Variants in METTL5 observed in about 807,000 individuals in gnomAD.
METTL5 encodes the protein methyltransferase 5, N6-adenosine.
A neutral mutation model predicts 26.5 loss-of-function variants in METTL5; 28 were observed. The observed-to-expected ratio is 1.06, with a 90% CI of 0.78 to 1.45. The LOEUF (loss-of-function observed/expected upper bound fraction) is 1.45, where lower values mean the gene tolerates loss of function less well. METTL5 is among the 40% of genes most tolerant of loss of function. The pLI is 0.00. For synonymous variants in METTL5, 86 were observed against 82.6 expected (o/e 1.04, Z -0.22); for missense variants, 231 against 249.9 (o/e 0.92, Z 0.51).
chr2:169,822,553 C>CAGTG (rs1419416173), intron 1 of METTL5, among the ~76,000 whole-genome samples: 1 of 152,036 alleles, frequency 6.6e-6, no homozygotes, highest in African/African-American at 2.4e-5. Flanking sequence ...AGACTAGGAA[C>CAGTG]CACTATCAAA....
At chr2:169,817,912 A>T (rs77950863) in intron 4 of METTL5, among the ~76,000 whole-genome samples, 10 of 151,056 alleles carry the variant, frequency 6.6e-5, no homozygotes, top group African/African-American at 1.9e-4. Flanking sequence ...AAGTATAATT[A>T]AAAAAAAAAT....
In METTL5 at chr2:169,819,624, T is replaced by C; in HGVS notation, c.426A>G (p.Leu142=). The change falls in exon 4 of 7, where the codon CTA becomes CTG. Residue 142 remains leucine (L), a synonymous_variant. Coordinates refer to ENST00000260953, the MANE Select transcript of METTL5 (RefSeq NM_014168.4). ...KNNKGTDMAF[L]KTALEMARTA... ...TTCTTGCCATTTCCAAAGCAGTCTT[T>C]AGAAAAGCCATATCTGTCCCTGTGA... The C allele has an allele frequency of 6.2e-7, 1 of 1,613,088 alleles. No homozygotes were observed. The highest frequency in any genetic ancestry group is 2.2e-5 in the East Asian group (1 of 44,766).
Position 169,822,023 on chromosome 2 carries a change from A to G in METTL5, c.144T>C (p.Asp48=). ...CTGCAACGACTTTATTTTCAATGTC[A>G]TCATAAGTGTTATGGATTGTATAGA... ...CMLYTIHNTY[D]DIENKVVADL... Residue 48 remains aspartate, a synonymous_variant, in exon 2 of 7, where the codon GAT becomes GAC. Coordinates refer to ENST00000260953, the MANE Select transcript of METTL5 (RefSeq NM_014168.4). 1 of 1,612,958 alleles carries G rather than the reference A, an allele frequency of 6.2e-7. No individual in the cohort carries two copies. Among genetic ancestry groups the G allele is most frequent in the Non-Finnish European group, 8.5e-7 (1 of 1,179,998 alleles).
chr2:169,820,890 T>TGTGC (rs2081574407), intron 3 of METTL5, among the ~76,000 whole-genome samples: 1 of 151,266 alleles, frequency 6.6e-6, no homozygotes, highest in Non-Finnish European at 1.5e-5. Context: ...AAAATTTGTG[T>TGTGC]GTGTGTGTGT....
chr2:169,824,503 C>G lies in METTL5; in HGVS notation c.95G>C (p.Arg32Thr), dbSNP rs1392702272. The change falls in exon 1 of 7, where the codon AGG becomes ACG. Residue 32 changes from arginine to threonine, a missense_variant. Physicochemically the swap from Arg to Thr is moderately conservative, Grantham distance 71 (BLOSUM62 -1). Transcript: ENST00000260953. ...PKLLLEQYPTRPHIAACMLYT... is the reference protein window; with the variant it reads ...PKLLLEQYPTTPHIAACMLYT... ...AGCCGCCCTACCTGCAATGTGCGGC[C>G]TGGTAGGATACTGTTCCAGAAGTAG... 1.2e-6 allele frequency: 2 copies of G among 1,613,998 alleles called. No individual in the cohort carries two copies. The highest frequency in any genetic ancestry group is 2.7e-5 in the African/African-American group (2 of 74,928).
intron 5 of METTL5, among the ~76,000 whole-genome samples, chr2:169,814,621 C>A (rs1302402921): frequency 2.1e-5 from 3 of 143,422 alleles, no homozygotes; most frequent in Admixed American, 1.4e-4. Context: ...GTTGCTTAGG[C>A]TAGAGAGCAG....
intron 6 of METTL5, 195 bp downstream of exon 6, chr2:169,812,256 TCGAGAC>T: frequency 1.3e-6 from 1 of 772,194 alleles, no homozygotes; most frequent in Non-Finnish European, 2.0e-6. Flanking sequence ...TTTTTCTTTT[TCGAGAC>T]TGAGTCTCAC....
Position 169,824,583 on chromosome 2 carries a change from C to A in METTL5, c.15G>T (p.Arg5Ser), listed in dbSNP as rs781601224. 1 of 1,613,730 alleles carries A rather than the reference C, an allele frequency of 6.2e-7. No homozygotes were observed. The highest frequency in any genetic ancestry group is 1.3e-5 in the African/African-American group (1 of 74,924). ...GCAGGCGACTCTCTAGTTCCTTAAG[C>A]CTTACTTTCTTCATTTTGTTTTAAA... MKKV[R>S]LKELESRLQQ... is the part of the protein sequence containing the mutation. Residue 5 changes from arginine (R) to serine (S), a missense_variant, in exon 1 of 7, where the codon AGG (arginine) becomes AGT (serine). By Grantham distance (110) the Arg-to-Ser change is moderately radical. Coordinates refer to ENST00000260953, the MANE Select transcript of METTL5 (RefSeq NM_014168.4).
chr2:169,819,676 C>G (rs1399519130), intron 3 of METTL5, 33 bp from the exon 4 acceptor site: 4 of 1,446,050 alleles, frequency 2.8e-6, no homozygotes, highest in Non-Finnish European at 3.8e-6. Flanking sequence ...TCCTATTTAC[C>G]TCTTCTCAAA....
Position 169,817,204 on chromosome 2 carries a change from C to T in METTL5, c.490-1676G>A, listed in dbSNP as rs571450162. Among the ~76,000 whole-genome samples the T allele has an allele frequency of 3.9e-3, 599 of 152,266 alleles. 5 individuals are homozygous for T. Among genetic ancestry groups the T allele is most frequent in the African/African-American group, 0.013 (560 of 41,544 alleles). The stretch of plus-strand genomic sequence containing the variant: ...AAAAATGCTCATCATCAGTGGTCAT[C>T]AGAGAAATGCAAATCAAAACCACAA... On this transcript the variant is annotated intron_variant, in intron 4 of 6. Transcript: ENST00000260953.
Position 169,819,541 on chromosome 2 carries a change from A to G in METTL5, c.489+20T>C. On this transcript the variant is annotated intron_variant, in intron 4 of 6. Transcript: ENST00000260953. The stretch of plus-strand genomic sequence containing the variant: ...AATTTAAAAATCAATGCCACAGAAT[A>G]TCAGATGATTTGAACTTACTTCTCT... The G allele has an allele frequency of 6.4e-7, 1 of 1,558,372 alleles. No individual in the cohort carries two copies. The highest frequency in any genetic ancestry group is 8.8e-7 in the Non-Finnish European group (1 of 1,131,754).
intron 6 of METTL5, 154 bp from the exon 7 acceptor site, chr2:169,812,012 T>C (rs1689979019): frequency 2.4e-6 from 2 of 822,656 alleles, no homozygotes; most frequent in African/African-American, 3.5e-5. Flanking sequence ...AATATGAGAA[T>C]GTATTAGTAC....
At chr2:169,815,648 T>C in intron 4 of METTL5, 120 bp from the exon 5 acceptor site, 1 of 639,404 alleles carries the variant, frequency 1.6e-6, no homozygotes. Flanking sequence ...ATCTAGACCC[T>C]TATAAAAATT....
chr2:169,821,619 C>A (rs770305228), intron 2 of METTL5, among the ~76,000 whole-genome samples: 1 of 152,040 alleles, frequency 6.6e-6, no homozygotes, highest in Non-Finnish European at 1.5e-5. Flanking sequence ...CTCCTGGGCT[C>A]AAGTAATCTG....
rs372716869 is a variant in METTL5 at position 169,818,695 on chromosome 2, T to C, written c.489+866A>G. ...TGGGTTCTTACGTACTGTATTTACATGAATTAAGTATTTTTCCTACAAAAG... is the reference window on the plus strand; with the variant it reads ...TGGGTTCTTACGTACTGTATTTACACGAATTAAGTATTTTTCCTACAAAAG... On this transcript the variant is annotated intron_variant, in intron 4 of 6. Transcript: ENST00000260953. Among the ~76,000 whole-genome samples, 275 of 152,348 alleles carry C rather than the reference T, an allele frequency of 1.8e-3. 1 individual carries two copies. Among genetic ancestry groups the C allele is most frequent in the African/African-American group, 6.3e-3 (260 of 41,582 alleles).
chr2:169,824,801 GC>G lies in METTL5; in HGVS notation c.-205del. The G allele has an allele frequency of 2.0e-6, 1 of 490,626 alleles. No homozygotes were observed. Among genetic ancestry groups the G allele is most frequent in the South Asian group, 2.5e-5 (1 of 40,290 alleles). 30.4% of individuals were successfully genotyped at this position (490,626 alleles called of 1,614,324 possible). On this transcript the variant is annotated 5_prime_UTR_variant, in exon 1 of 7. Transcript: ENST00000260953. ...ACCCACCTCCCGGCTAACCCAAGCCGCCCCAGGAGACGGCGGCGGCGCACTG... is the reference window on the plus strand; with the variant it reads ...ACCCACCTCCCGGCTAACCCAAGCCGCCCAGGAGACGGCGGCGGCGCACTG...
chr2:169,824,893 C>A lies in METTL5; in HGVS notation c.-296G>T. 5.0e-6 allele frequency: 1 copy of A among 200,784 alleles called. No homozygotes were observed. The highest frequency in any genetic ancestry group is 1.0e-5 in the Non-Finnish European group (1 of 100,418). 12.4% of individuals were successfully genotyped at this position (200,784 alleles called of 1,614,324 possible). On this transcript the variant is annotated 5_prime_UTR_variant, in exon 1 of 7. Transcript: ENST00000260953. The stretch of plus-strand genomic sequence containing the variant: ...CTCTGGAGGCGACCCGCACCTCGGC[C>A]GGTGCCGGAAGCGCCAGGCCGCACG...
At position 169,811,780 on chromosome 2, in the gene METTL5, A is replaced by T; in HGVS notation, c.*40T>A. The T allele has an allele frequency of 1.9e-6, 3 of 1,613,272 alleles. No individual in the cohort carries two copies. The highest frequency in any genetic ancestry group is 2.5e-6 in the Non-Finnish European group (3 of 1,179,708). On this transcript the variant is annotated 3_prime_UTR_variant, in exon 7 of 7. Transcript: ENST00000260953. The stretch of plus-strand genomic sequence containing the variant: ...AGTTTAGTAAACCAATTTTTTATTC[A>T]TTTTAAATAGGTTTTAAACGACTTT...
chr2:169,819,595 G>A lies in METTL5; in HGVS notation c.455C>T (p.Ala152Val), dbSNP rs76827312. Residue 152 changes from alanine (A) to valine (V), a missense_variant, in exon 4 of 7, where the codon GCA becomes GTA. Transcript: ENST00000260953. ...LKTALEMART[A>V]VYSLHKSSTR... ...TGAGGATTTGTGTAAGGAATATACT[G>A]CTGTTCTTGCCATTTCCAAAGCAGT... 4,109 of 1,613,020 alleles carry A rather than the reference G, an allele frequency of 2.5e-3. 56 individuals carry two copies. The highest frequency in any genetic ancestry group is 0.023 in the East Asian group (1,027 of 44,754).
Sources: allele counts gnomAD v4.1 joint callset (sites outside exome capture counted in the v4.1 genomes callset), GRCh38; gene constraint gnomAD v4.1.1; transcripts MANE v1.5; gene names NCBI Gene and HGNC (gene_info 2026-07-23, HGNC 2026-07-21).